Variants in GOLGA3 observed in about 807,000 individuals in gnomAD.
The protein encoded by GOLGA3 is golgin A3, also known as golgin subfamily A member 3.
GOLGA3 carries 75 observed loss-of-function variants against 169.4 expected under a neutral mutation model. That is an observed-to-expected ratio of 0.44 (90% CI 0.37 to 0.54). GOLGA3 has a LOEUF of 0.54. Ranked by LOEUF, GOLGA3 falls within the 20% of genes least tolerant of loss-of-function variation. The pLI is 0.00. For synonymous variants in GOLGA3, 824 were observed against 822.4 expected (o/e 1.00, Z -0.03); for missense variants, 1,899 against 1,930.0 (o/e 0.98, Z 0.30).
chr12:132,789,963 T>C (rs1050289289), intron 12 of GOLGA3, among the ~76,000 whole-genome samples: 5 of 151,072 alleles, frequency 3.3e-5, no homozygotes, highest in Admixed American at 6.6e-5. Context: ...AACCTGGCAG[T>C]TGGAGGTTGC....
At chr12:132,773,359 T>C in intron 23 of GOLGA3, 65 bp from the exon 24 acceptor site, 1 of 1,061,088 alleles carries the variant, frequency 9.4e-7, no homozygotes, top group Non-Finnish European at 1.3e-6. Flanking sequence ...GCGCCACCTG[T>C]GGACAGCGTC....
chr12:132,805,775 G>A (rs1566118808), intron 6 of GOLGA3, among the ~76,000 whole-genome samples: 1 of 152,248 alleles, frequency 6.6e-6, no homozygotes, highest in African/African-American at 2.4e-5. Context: ...GGAAGCACCC[G>A]TCTCCTGCGA....
At chr12:132,824,769 A>G (rs1024832293) in intron 1 of GOLGA3, among the ~76,000 whole-genome samples, 2 of 152,254 alleles carry the variant, frequency 1.3e-5, no homozygotes, top group African/African-American at 4.8e-5. Context: ...CTAGGCAGGG[A>G]TCTGAACTAC....
intron 11 of GOLGA3, among the ~76,000 whole-genome samples, chr12:132,794,858 C>G (rs1444300335): frequency 6.6e-6 from 1 of 152,178 alleles, no homozygotes. Flanking sequence ...GGAGGGAAAA[C>G]AGGCTCATGA....
Position 132,802,368 on chromosome 12 carries a change from G to A in GOLGA3, c.1598-399C>T, listed in dbSNP as rs1275019870. On this transcript the variant is annotated intron_variant, in intron 7 of 23. Transcript: ENST00000450791. ...CTAGGAAATAACAGTGGCCGGACACGGGGGTGCAGGGGGCATGGGGGGTGC... is the reference window on the plus strand; with the variant it reads ...CTAGGAAATAACAGTGGCCGGACACAGGGGTGCAGGGGGCATGGGGGGTGC... Among the ~76,000 whole-genome samples the A allele has an allele frequency of 9.0e-5, 8 of 88,950 alleles. No individual in the cohort carries two copies. In the East Asian group the frequency reaches 1.5e-3, roughly 16 times the overall value. 58.4% of individuals were successfully genotyped at this position (88,950 alleles called of 152,430 possible).
Position 132,808,001 on chromosome 12 carries a change from G to A in GOLGA3, c.1068C>T (p.Gly356=). ...GGACGTCCTTAATGGAGGGGAACTG[G>A]CCCAGGGTATCCGCAGGAATCTCCT... ...NGQEIPADTL[G]QFPSIKDVLQ... Residue 356 remains glycine (G), a synonymous_variant, in exon 5 of 24, where the codon GGC becomes GGT. Transcript: ENST00000450791. 6.2e-7 allele frequency: 1 copy of A among 1,612,590 alleles called. No homozygotes were observed. The highest frequency in any genetic ancestry group is 8.5e-7 in the Non-Finnish European group (1 of 1,179,278).
At chr12:132,800,468 T>C (rs927117531) in intron 8 of GOLGA3, among the ~76,000 whole-genome samples, 4 of 152,196 alleles carry the variant, frequency 2.6e-5, no homozygotes, top group Non-Finnish European at 5.9e-5. Context: ...TACTCCAGCC[T>C]GGGAGACAGA....
At chr12:132,792,467 C>T (rs1267976256) in intron 11 of GOLGA3, among the ~76,000 whole-genome samples, 1 of 152,248 alleles carries the variant, frequency 6.6e-6, no homozygotes, top group African/African-American at 2.4e-5. Flanking sequence ...GTGCTGACCC[C>T]AGGCTCTGGT....
intron 12 of GOLGA3, 44 bp from the exon 13 acceptor site, chr12:132,789,334 G>T: frequency 6.6e-7 from 1 of 1,505,150 alleles, no homozygotes; most frequent in Non-Finnish European, 8.9e-7. Context: ...GCGGCGGGGC[G>T]TGGGGGGCGT....
chr12:132,778,124 A>G (rs1010939407), intron 18 of GOLGA3, among the ~76,000 whole-genome samples: 6 of 152,216 alleles, frequency 3.9e-5, no homozygotes, highest in African/African-American at 1.4e-4. Flanking sequence ...CCCTGTCTCC[A>G]CAAAAAATAA....
chr12:132,781,459 T>TGA (rs2045602839), intron 17 of GOLGA3, among the ~76,000 whole-genome samples: 1 of 152,008 alleles, frequency 6.6e-6, no homozygotes, highest in Admixed American at 6.6e-5. Flanking sequence ...TACCAGAGGC[T>TGA]GAGGCAGGAG....
At chr12:132,803,244 G>A (rs1229078923) in intron 7 of GOLGA3, among the ~76,000 whole-genome samples, 4 of 152,140 alleles carry the variant, frequency 2.6e-5, no homozygotes, top group East Asian at 1.9e-4. Flanking sequence ...CTCAGCGGGC[G>A]CCTAGGATGA....
intron 7 of GOLGA3, 141 bp from the exon 8 acceptor site, chr12:132,802,110 C>A: frequency 1.5e-6 from 1 of 664,378 alleles, no homozygotes; most frequent in Admixed American, 2.7e-5. Context: ...TAGCTGACTC[C>A]ATGAAGTCGC....
chr12:132,824,440 A>G (rs1312377690), intron 1 of GOLGA3, among the ~76,000 whole-genome samples: 1 of 152,278 alleles, frequency 6.6e-6, no homozygotes, highest in East Asian at 1.9e-4. Flanking sequence ...TAAAACTAGC[A>G]TTAAGGGTTT....
chr12:132,813,452 T>C, intron 3 of GOLGA3, 33 bp from the exon 4 acceptor site: 1 of 1,208,214 alleles, frequency 8.3e-7, no homozygotes, highest in Non-Finnish European at 1.2e-6. Context: ...TGGAAACTCA[T>C]AAAATACCAG....
intron 3 of GOLGA3, among the ~76,000 whole-genome samples, chr12:132,814,267 G>A (rs576057753): frequency 2.6e-4 from 39 of 150,990 alleles, no homozygotes; most frequent in African/African-American, 7.5e-4. Flanking sequence ...GAGGTGATCC[G>A]CCCACCTCGG....
At chr12:132,786,827 C>T (rs903274400) in intron 13 of GOLGA3, 40 bp from the exon 14 acceptor site, 11 of 1,347,286 alleles carry the variant, frequency 8.2e-6, no homozygotes, top group Non-Finnish European at 1.2e-5. Flanking sequence ...GGCACTGCCA[C>T]CCCCAGCCTG....
intron 2 of GOLGA3, among the ~76,000 whole-genome samples, chr12:132,820,012 T>C (rs1482817399): frequency 6.6e-6 from 1 of 152,114 alleles, no homozygotes; most frequent in African/African-American, 2.4e-5. Flanking sequence ...ACTCCATCTC[T>C]ACTAAAAATA....
rs150603130 is a variant in GOLGA3, at chr12:132,822,057, G to A, written c.72C>T (p.Pro24=). 8.8e-5 allele frequency: 142 copies of A among 1,606,792 alleles called. 1 individual carries two copies. Among genetic ancestry groups the A allele is most frequent in the Non-Finnish European group, 1.1e-4 (128 of 1,177,428 alleles). The stretch of plus-strand genomic sequence containing the variant: ...GGCCCGGGGGCTTCAGTGGGGCCTC[G>A]GGGAGAGACGAGGGGCCACTGTGGG... The part of the protein sequence containing the change: ...DRSHSGPSSL[P]EAPLKPPGPL... The change falls in exon 2 of 24, where the codon CCC becomes CCT. Residue 24 remains proline, a synonymous_variant. Transcript: ENST00000450791.
Sources: gnomAD v4.1 joint callset for allele counts (sites outside exome capture counted in the v4.1 genomes callset) on GRCh38, gnomAD v4.1.1 for gene constraint, MANE v1.5 for transcripts, NCBI Gene and HGNC (gene_info 2026-07-23, HGNC 2026-07-21) for gene names.